REV1: variants seen among roughly 807,000 people sequenced by gnomAD.
The protein encoded by REV1 is translesion synthesis protein REV1.
Under a neutral mutation model 137.4 loss-of-function variants are expected in REV1, and 42 were observed. The ratio of observed to expected loss-of-function variants is 0.31; its 90% CI spans 0.24 to 0.40. The LOEUF (loss-of-function observed/expected upper bound fraction) is 0.40. REV1 is among the 10% of genes least tolerant of loss of function. The pLI, the probability that REV1 is intolerant of heterozygous loss-of-function variation, is 1.00. For missense variants in REV1, 1,282 were observed against 1,490.1 expected, an observed-to-expected ratio of 0.86 and a Z score of 2.30; for synonymous variants, 524 against 519.2, an observed-to-expected ratio of 1.01 and a Z score of -0.12.
intron 9 of REV1, chr2:99,424,487 T>C (rs1450580695): frequency 1.8e-6 from 1 of 569,838 alleles, no homozygotes; most frequent in Non-Finnish European, 3.0e-6. Context: ...ATGACACATG[T>C]AGATGTGCCA....
At chr2:99,462,773 T>C in intron 2 of REV1, 151 bp from the exon 3 acceptor site, 1 of 749,384 alleles carries the variant, frequency 1.3e-6, no homozygotes, top group Non-Finnish European at 2.1e-6. Flanking sequence ...ACATAAACCA[T>C]AAGGCAAGGC....
At chr2:99,433,090 T>C (rs1033764540) in intron 8 of REV1, among the ~76,000 whole-genome samples, 4 of 152,248 alleles carry the variant, frequency 2.6e-5, no homozygotes, top group Admixed American at 6.5e-5. Flanking sequence ...ATGCCTAATA[T>C]ATGACAAGTA....
intron 3 of REV1, among the ~76,000 whole-genome samples, chr2:99,456,376 C>T (rs2105039555): frequency 6.6e-6 from 1 of 152,272 alleles, no homozygotes; most frequent in South Asian, 2.1e-4. Context: ...CAAGTAATAC[C>T]ATTTTAGGTG....
chr2:99,401,616 A>T (rs1335091066), intron 22 of REV1, among the ~76,000 whole-genome samples: 1 of 152,026 alleles, frequency 6.6e-6, no homozygotes, highest in Admixed American at 6.6e-5. Context: ...GCATGGTGGC[A>T]CATGCCTATA....
chr2:99,407,153 G>A (rs1487003376), intron 15 of REV1, among the ~76,000 whole-genome samples: 3 of 128,308 alleles, frequency 2.3e-5, no homozygotes, highest in Non-Finnish European at 3.1e-5. Context: ...GCGGTGGCAC[G>A]ATCTTGGCTC....
intron 3 of REV1, among the ~76,000 whole-genome samples, chr2:99,453,449 C>A (rs1406304199): frequency 6.6e-6 from 1 of 152,092 alleles, no homozygotes; most frequent in Non-Finnish European, 1.5e-5. Context: ...CAAGAAGGAG[C>A]TCTAGAGCTA....
intron 11 of REV1, among the ~76,000 whole-genome samples, chr2:99,419,205 A>ATTT (rs774732084): frequency 0.026 from 3,050 of 115,732 alleles, 60 homozygotes; most frequent in African/African-American, 0.059. Context: ...AGCAGTCCTG[A>ATTT]TTTTTTTTTT....
rs1393896375 is a variant in REV1 at position 99,471,701 on chromosome 2, A to AAACTGT, written c.-10-6722_-10-6717dup. On this transcript the variant is annotated intron_variant, in intron 1 of 22. Transcript: ENST00000258428. ...TACCAATATAAAGAACTCCTACCAT[A>AAACTGT]AACTGTAATAATAAACACACAACGC... 2.6e-5 allele frequency among the ~76,000 whole-genome samples: 4 copies of AAACTGT among 152,196 alleles called. No individual in the cohort carries two copies. In the East Asian group the frequency reaches 7.7e-4, roughly 29 times the overall value.
rs28745276 is a variant in REV1 at position 99,472,091 on chromosome 2, GTATT to G, written c.-10-7110_-10-7107del. Among the ~76,000 whole-genome samples, 6 of 152,006 alleles carry G rather than the reference GTATT, an allele frequency of 3.9e-5. No individual in the cohort carries two copies. The East Asian group carries it at 9.7e-4, about 24-fold the overall frequency. Reference sequence around the variant, plus strand: ...GCACTGAAACCTGAGACACAAAGAGGTATTTATTTGTACATTCATATTAATAAGC... The same window carrying G: ...GCACTGAAACCTGAGACACAAAGAGGTATTTGTACATTCATATTAATAAGC... On this transcript the variant is annotated intron_variant, in intron 1 of 22. Coordinates refer to ENST00000258428, the MANE Select transcript of REV1 (RefSeq NM_016316.4).
chr2:99,462,661 C>T, intron 2 of REV1, 39 bp from the exon 3 acceptor site: 1 of 1,569,770 alleles, frequency 6.4e-7, no homozygotes, highest in Non-Finnish European at 8.6e-7. Context: ...ACAAAGGTTA[C>T]ATTTTCTCCC....
At chr2:99,417,985 G>A (rs996415774) in intron 12 of REV1, among the ~76,000 whole-genome samples, 1 of 152,040 alleles carries the variant, frequency 6.6e-6, no homozygotes, top group Non-Finnish European at 1.5e-5. Flanking sequence ...CTAATACATC[G>A]TTTTAAGTTA....
chr2:99,412,143 G>C (rs1032990786), intron 13 of REV1, among the ~76,000 whole-genome samples: 1 of 149,376 alleles, frequency 6.7e-6, no homozygotes, highest in African/African-American at 2.5e-5. Flanking sequence ...TGAGGCAGGA[G>C]AATCTCTTGA....
rs28382976 is a variant in REV1 at position 99,401,895 on chromosome 2, A to ACCC, written c.3644+346_3644+348dup. 3.3e-3 allele frequency among the ~76,000 whole-genome samples: 504 copies of ACCC among 151,754 alleles called. 3 individuals are homozygous for ACCC. The highest frequency in any genetic ancestry group is 0.011 in the African/African-American group (437 of 41,350). On this transcript the variant is annotated intron_variant, in intron 22 of 22. Coordinates refer to ENST00000258428, the MANE Select transcript of REV1 (RefSeq NM_016316.4). Reference sequence around the variant, plus strand: ...ACTGGGACCACAGGTGGGCACCACCACCCCCCCAGATTATTTATTTTTTGT... The same window carrying ACCC: ...ACTGGGACCACAGGTGGGCACCACCACCCCCCCCCCAGATTATTTATTTTTTGT...
chr2:99,436,351 A>G (rs1479235962), intron 6 of REV1, among the ~76,000 whole-genome samples: 1 of 152,196 alleles, frequency 6.6e-6, no homozygotes, highest in African/African-American at 2.4e-5. Flanking sequence ...TAAGAGGTTT[A>G]TGTGTATGTA....
intron 10 of REV1, among the ~76,000 whole-genome samples, chr2:99,422,274 ATTTGT>A (rs1455318554): frequency 2.0e-5 from 3 of 152,212 alleles, no homozygotes; most frequent in Non-Finnish European, 4.4e-5. Flanking sequence ...CACAAAAAGG[ATTTGT>A]TTTAATTAGA....
chr2:99,470,922 T>A (rs1341190566), intron 1 of REV1, among the ~76,000 whole-genome samples: 1 of 152,234 alleles, frequency 6.6e-6, no homozygotes, highest in African/African-American at 2.4e-5. Flanking sequence ...AAGTGCTACT[T>A]CTTTACAGCA....
At position 99,424,275 on chromosome 2, in the gene REV1, A is replaced by C. The variant is rs1679055005; in HGVS notation, c.1553T>G (p.Leu518Arg). Residue 518 changes from leucine (L) to arginine (R), a missense_variant, in exon 10 of 23, where the codon CTT becomes CGT. Leu to Arg is a moderately radical substitution (Grantham distance 102, BLOSUM62 -2). Around this residue, in one of 7 missense-constraint regions of REV1, gnomAD observed 372 missense variants for 482.3 expected, o/e 0.77. Transcript: ENST00000258428. ...AAAAAACATTCCGTTCTTAATGCCA[A>C]GTTGCCTAGAGCGAGAACAAAACAC... ...IASCSYEARQ[L>R]GIKNGMFFGH... is the part of the protein sequence containing the mutation. 10 of 1,613,204 alleles carry C rather than the reference A, an allele frequency of 6.2e-6. No homozygotes were observed. Among genetic ancestry groups the C allele is most frequent in the Admixed American group, 1.7e-5 (1 of 59,866 alleles).
Position 99,480,658 on chromosome 2 carries a change from C to T in REV1, c.-11+9159G>A, listed in dbSNP as rs1305758540. 4.6e-5 allele frequency among the ~76,000 whole-genome samples: 7 copies of T among 152,130 alleles called. No homozygotes were observed. The South Asian group carries it at 1.5e-3, about 32-fold the overall frequency. On this transcript the variant is annotated intron_variant, in intron 1 of 22. Transcript: ENST00000258428. Reference sequence around the variant, plus strand: ...ATGACACATAACTAAAAACAAATCCCTCAGAGCAACTGCAATTCAAAAATA... The same window carrying T: ...ATGACACATAACTAAAAACAAATCCTTCAGAGCAACTGCAATTCAAAAATA...
At chr2:99,450,264 A>C (rs1682769318) in intron 3 of REV1, among the ~76,000 whole-genome samples, 1 of 152,166 alleles carries the variant, frequency 6.6e-6, no homozygotes, top group Non-Finnish European at 1.5e-5. Context: ...TTAAAGACAC[A>C]ATGTGACTTA....
Sources: gnomAD v4.1 joint callset for allele counts (sites outside exome capture counted in the v4.1 genomes callset) on GRCh38, gnomAD v4.1.1 for gene constraint, gnomAD v4.1.1 regional missense constraint, MANE v1.5 for transcripts, NCBI Gene and HGNC (gene_info 2026-07-23, HGNC 2026-07-21) for gene names.